MACROD2: variants seen among roughly 807,000 people sequenced by gnomAD.
MACROD2 encodes ADP-ribose glycohydrolase MACROD2.
MACROD2 carries 36 observed loss-of-function variants against 70.4 expected under a neutral mutation model. The observed-to-expected ratio is 0.51, with a 90% CI of 0.39 to 0.68. MACROD2 has a LOEUF of 0.68. Among genes scored for constraint, MACROD2 ranks in the 30% least tolerant of loss-of-function variants. The probability of loss-of-function intolerance (pLI) is 0.00; values close to 1 mark genes in which losing one functional copy is unlikely to be tolerated. For synonymous variants in MACROD2, 172 were observed against 178.8 expected (o/e 0.96, Z 0.30); for missense variants, 496 against 538.4 (o/e 0.92, Z 0.78).
intron 10 of MACROD2, among the ~76,000 whole-genome samples, chr20:15,900,978 A>T (rs1212386234): frequency 6.6e-6 from 1 of 152,178 alleles, no homozygotes; most frequent in Non-Finnish European, 1.5e-5. Flanking sequence ...GTCAGTGAGT[A>T]TATTGAATTT....
intron 2 of MACROD2, among the ~76,000 whole-genome samples, chr20:14,062,939 T>C (rs933026184): frequency 2.0e-5 from 3 of 152,186 alleles, no homozygotes; most frequent in African/African-American, 7.2e-5. Flanking sequence ...TTACCTCTTA[T>C]AGTCTGAAGC....
intron 8 of MACROD2, among the ~76,000 whole-genome samples, chr20:15,624,614 C>T (rs1261317213): frequency 2.0e-5 from 3 of 152,132 alleles, no homozygotes; most frequent in African/African-American, 7.2e-5. Flanking sequence ...TTTATTGAAA[C>T]ACAGCCATGC....
At chr20:14,592,994 A>G (rs1981880713) in intron 4 of MACROD2, among the ~76,000 whole-genome samples, 1 of 152,074 alleles carries the variant, frequency 6.6e-6, no homozygotes, top group African/African-American at 2.4e-5. Context: ...AGGCCTCAAA[A>G]TCTTAGGTCT....
At chr20:15,407,157 T>C (rs2046014150) in intron 6 of MACROD2, among the ~76,000 whole-genome samples, 1 of 152,170 alleles carries the variant, frequency 6.6e-6, no homozygotes, top group Non-Finnish European at 1.5e-5. Flanking sequence ...CCCGGCTTTT[T>C]CACTTGCTGG....
intron 5 of MACROD2, among the ~76,000 whole-genome samples, chr20:15,007,154 G>A (rs1342260340): frequency 1.3e-5 from 2 of 151,922 alleles, no homozygotes; most frequent in Non-Finnish European, 2.9e-5. Flanking sequence ...CACAAGGTCA[G>A]GAGATCAAGA....
chr20:14,542,348 G>A (rs1041155855), intron 4 of MACROD2, among the ~76,000 whole-genome samples: 8 of 152,232 alleles, frequency 5.3e-5, no homozygotes, highest in African/African-American at 1.9e-4. Context: ...TGAGGTTAAG[G>A]AAAAACTATG....
intron 5 of MACROD2, among the ~76,000 whole-genome samples, chr20:15,026,041 A>G (rs905699129): frequency 2.0e-5 from 3 of 152,180 alleles, no homozygotes; most frequent in Non-Finnish European, 4.4e-5. Flanking sequence ...CAACTCAAAT[A>G]TTAGTACCTA....
In MACROD2 at chr20:15,174,571, A is replaced by G. The variant is rs557582130; in HGVS notation, c.419-55369A>G. On this transcript the variant is annotated intron_variant, in intron 5 of 17. Transcript: ENST00000684519. Reference sequence around the variant, plus strand: ...ATTTCTAGTTCTAGATCCCTGAGGAATCGCCACACTGACTTCCACAATGGT... The same window carrying G: ...ATTTCTAGTTCTAGATCCCTGAGGAGTCGCCACACTGACTTCCACAATGGT... 5.3e-5 allele frequency among the ~76,000 whole-genome samples: 8 copies of G among 152,270 alleles called. No individual in the cohort carries two copies. In the East Asian group the frequency reaches 1.5e-3, roughly 29 times the overall value.
intron 5 of MACROD2, among the ~76,000 whole-genome samples, chr20:14,998,684 TAG>T (rs1299871033): frequency 6.6e-6 from 1 of 151,962 alleles, no homozygotes; most frequent in Non-Finnish European, 1.5e-5. Flanking sequence ...AAAGAAAAGG[TAG>T]AGAGTAAGAT....
At chr20:15,688,862 T>C (rs2050261928) in intron 8 of MACROD2, among the ~76,000 whole-genome samples, 1 of 152,242 alleles carries the variant, frequency 6.6e-6, no homozygotes, top group Non-Finnish European at 1.5e-5. Context: ...AGGTGAAATC[T>C]TAACAACGGT....
At chr20:15,049,953 A>G (rs1350222236) in intron 5 of MACROD2, among the ~76,000 whole-genome samples, 1 of 151,392 alleles carries the variant, frequency 6.6e-6, no homozygotes, top group South Asian at 2.1e-4. Flanking sequence ...GTCTCAGGAA[A>G]AAAAAAAAAA....
chr20:16,021,135 A>C (rs181221927), intron 15 of MACROD2, among the ~76,000 whole-genome samples: 126 of 152,272 alleles, frequency 8.3e-4, no homozygotes, highest in African/African-American at 3.0e-3. Flanking sequence ...TTCACCTTAA[A>C]AATATGACAA....
At chr20:16,031,165 G>GA (rs945701812) in intron 15 of MACROD2, among the ~76,000 whole-genome samples, 1 of 150,808 alleles carries the variant, frequency 6.6e-6, no homozygotes, top group Non-Finnish European at 1.5e-5. Flanking sequence ...AAAAATCATG[G>GA]AAAAAAAACA....
chr20:15,105,930 G>T (rs560942380), intron 5 of MACROD2, among the ~76,000 whole-genome samples: 2 of 152,210 alleles, frequency 1.3e-5, no homozygotes, highest in African/African-American at 4.8e-5. Flanking sequence ...GTACATTTCA[G>T]TATCACTATG....
chr20:14,764,741 G>A (rs1316524450), intron 5 of MACROD2, among the ~76,000 whole-genome samples: 7 of 152,122 alleles, frequency 4.6e-5, no homozygotes, highest in African/African-American at 9.7e-5. Flanking sequence ...GAGAATGTGA[G>A]AGTTCAGAAT....
intron 5 of MACROD2, among the ~76,000 whole-genome samples, chr20:14,759,491 G>A (rs781575884): frequency 1.3e-5 from 2 of 151,996 alleles, no homozygotes; most frequent in African/African-American, 4.8e-5. Flanking sequence ...TTATAAAGGT[G>A]TATTTATAAG....
In MACROD2 at chr20:15,931,994, G is replaced by A. The variant is rs532385315; in HGVS notation, c.776-1282G>A. Among the ~76,000 whole-genome samples, 8 of 152,160 alleles carry A rather than the reference G, an allele frequency of 5.3e-5. No individual in the cohort carries two copies. In the South Asian group the frequency reaches 8.3e-4, roughly 16 times the overall value. On this transcript the variant is annotated intron_variant, in intron 10 of 17. Transcript: ENST00000684519. ...AGAGTTGGTAGGAGGAGGAGATGGC[G>A]GGTCAAAGCACTCAAGCAAGACAAC...
intron 10 of MACROD2, among the ~76,000 whole-genome samples, chr20:15,908,218 A>G (rs2065178323): frequency 2.0e-5 from 3 of 152,058 alleles, no homozygotes; most frequent in Admixed American, 6.6e-5. Flanking sequence ...TTTAAGGGAG[A>G]TTGGAGAATG....
intron 3 of MACROD2, among the ~76,000 whole-genome samples, chr20:14,332,318 TAAG>T (rs1252543097): frequency 6.6e-6 from 1 of 152,046 alleles, no homozygotes; most frequent in Non-Finnish European, 1.5e-5. Context: ...GAAACTAATA[TAAG>T]AAGTTGTATC....
Sources: allele counts gnomAD v4.1 joint callset (sites outside exome capture counted in the v4.1 genomes callset), GRCh38; gene constraint gnomAD v4.1.1; transcripts MANE v1.5; gene names NCBI Gene and HGNC (gene_info 2026-07-23, HGNC 2026-07-21).